SOAT1: variants seen among roughly 807,000 people sequenced by gnomAD.
SOAT1 encodes acyl-coenzyme A:cholesterol acyltransferase 1.
SOAT1 carries 55 observed loss-of-function variants against 69.5 expected under a neutral mutation model. The observed-to-expected ratio is 0.79, with a 90% confidence interval of 0.64 to 0.99. The LOEUF is 0.99. Among genes scored for constraint, SOAT1 ranks in the 50% least tolerant of loss-of-function variants. The probability of loss-of-function intolerance (pLI) is 0.00; values close to 1 mark genes in which losing one functional copy is unlikely to be tolerated. For synonymous variants in SOAT1, 231 were observed against 224.7 expected, an observed-to-expected ratio of 1.03 and a Z score of -0.25; for missense variants, 580 against 669.3, an observed-to-expected ratio of 0.87 and a Z score of 1.47.
chr1:179,337,498 A>G (rs1269332262), intron 4 of SOAT1, among the ~76,000 whole-genome samples: 5 of 149,538 alleles, frequency 3.3e-5, no homozygotes, highest in Non-Finnish European at 2.9e-5. Flanking sequence ...GCCAAAGTCC[A>G]TAGGGGCTGA....
rs760155451 is a variant in SOAT1 at position 179,323,418 on chromosome 1, T to A, written c.119-19T>A. 6.2e-7 allele frequency: 1 copy of A among 1,611,522 alleles called. No homozygotes were observed. The highest frequency in any genetic ancestry group is 8.5e-7 in the Non-Finnish European group (1 of 1,178,264). On this transcript the variant is annotated intron_variant, in intron 2 of 15. Transcript: ENST00000367619. ...GCTGTATCCATCAACTTAAAAGTCATGTTTTTTTCTTCCCGTAGGTCGAAT... is the reference window on the plus strand; with the variant it reads ...GCTGTATCCATCAACTTAAAAGTCAAGTTTTTTTCTTCCCGTAGGTCGAAT...
chr1:179,326,329 C>T (rs1216017470), intron 3 of SOAT1, among the ~76,000 whole-genome samples: 1 of 152,092 alleles, frequency 6.6e-6, no homozygotes, highest in East Asian at 1.9e-4. Flanking sequence ...CTGAACATTG[C>T]AGTTGAAATG....
chr1:179,342,928 G>A lies in SOAT1; in HGVS notation c.926G>A (p.Arg309His), dbSNP rs149997059. The A allele has an allele frequency of 9.9e-6, 16 of 1,612,592 alleles. No individual in the cohort carries two copies. Among genetic ancestry groups the A allele is most frequent in the East Asian group, 4.5e-5 (2 of 44,858 alleles). Residue 309 changes from arginine to histidine, a missense_variant, in exon 9 of 16, where the codon CGT (arginine) becomes CAT (histidine). Physicochemically the swap from Arg to His is conservative, Grantham distance 29. Coordinates refer to ENST00000367619, the MANE Select transcript of SOAT1 (RefSeq NM_003101.6). ...YFLFAPTLIY[R>H]DSYPRNPTVR... is the part of the protein sequence containing the mutation. The stretch of plus-strand genomic sequence containing the variant: ...TTATTTGCTCCTACCCTTATCTACC[G>A]TGACAGCTATCCCAGGTAATGGTAC...
chr1:179,351,605 G>C (rs1666736058), intron 15 of SOAT1, 143 bp downstream of exon 15: 1 of 707,580 alleles, frequency 1.4e-6, no homozygotes, highest in Non-Finnish European at 2.3e-6. Context: ...AAAAGCATTA[G>C]TTTATCATCT....
intron 13 of SOAT1, among the ~76,000 whole-genome samples, 182 bp from the exon 14 acceptor site, chr1:179,350,112 AAG>A (rs2125004004): frequency 6.6e-6 from 1 of 152,360 alleles, no homozygotes; most frequent in African/African-American, 2.4e-5. Context: ...GAACAATAAT[AAG>A]AGTTTGTAAG....
intron 3 of SOAT1, among the ~76,000 whole-genome samples, chr1:179,329,319 A>T (rs1312156916): frequency 1.3e-5 from 2 of 151,980 alleles, no homozygotes; most frequent in African/African-American, 4.8e-5. Context: ...AGCCTGGGAG[A>T]CAAGAGTGAA....
Position 179,325,292 on chromosome 1 carries a change from G to A in SOAT1, c.177+1797G>A, listed in dbSNP as rs763496735. ...AGCCTCCCGAGTATTTGGGAGTACA[G>A]GTGCCCACCACCATGCCCGGCTAAT... is the stretch of plus-strand genomic sequence containing the variant. On this transcript the variant is annotated intron_variant, in intron 3 of 15. Coordinates refer to ENST00000367619, the MANE Select transcript of SOAT1 (RefSeq NM_003101.6). Among the ~76,000 whole-genome samples the A allele has an allele frequency of 3.3e-5, 5 of 150,944 alleles. No individual in the cohort carries two copies. The South Asian group carries it at 8.3e-4, about 25-fold the overall frequency.
intron 2 of SOAT1, among the ~76,000 whole-genome samples, chr1:179,321,040 G>A (rs955785970): frequency 2.6e-5 from 4 of 152,018 alleles, no homozygotes; most frequent in Non-Finnish European, 5.9e-5. Context: ...CCAAGTAGCT[G>A]GGATTATAGG....
chr1:179,319,560 G>A (rs1336833733), intron 2 of SOAT1, among the ~76,000 whole-genome samples: 1 of 151,790 alleles, frequency 6.6e-6, no homozygotes, highest in East Asian at 1.9e-4. Flanking sequence ...ATGAGCCACC[G>A]CACCTGGCGT....
intron 11 of SOAT1, 47 bp downstream of exon 11, chr1:179,345,123 A>G: frequency 6.2e-7 from 1 of 1,602,932 alleles, no homozygotes; most frequent in Non-Finnish European, 8.5e-7. Context: ...TTCACGAGGT[A>G]AATAGAAAGC....
rs961325977 is a variant in SOAT1, at chr1:179,355,868, A to G, written c.*2227A>G. On this transcript the variant is annotated 3_prime_UTR_variant, in exon 16 of 16. Transcript: ENST00000367619. ...GTTATTAGTGATTTTCCTGCCCAAG[A>G]TTGCAACAACAAATATGTAGAACTA... 10 of 152,162 alleles carry G rather than the reference A, an allele frequency of 6.6e-5. No individual in the cohort carries two copies. The highest frequency in any genetic ancestry group is 2.6e-4 in the Admixed American group (4 of 15,264). The allele number at this position is 152,162 out of a possible 1,614,324, so 9.4% of individuals were successfully genotyped here.
chr1:179,321,082 G>A (rs1665583985), intron 2 of SOAT1, among the ~76,000 whole-genome samples: 1 of 151,836 alleles, frequency 6.6e-6, no homozygotes, highest in African/African-American at 2.4e-5. Flanking sequence ...AATTTTTATA[G>A]TTTTAGTAGA....
At chr1:179,325,235 C>T (rs12039884) in intron 3 of SOAT1, among the ~76,000 whole-genome samples, 32,112 of 148,728 alleles carry the variant, frequency 0.22, 4,461 homozygotes, top group East Asian at 0.38. Flanking sequence ...CTGCAAGCTC[C>T]ACCTCCCGGG....
intron 2 of SOAT1, among the ~76,000 whole-genome samples, chr1:179,307,614 A>C (rs1263566578): frequency 6.6e-6 from 1 of 151,944 alleles, no homozygotes; most frequent in Non-Finnish European, 1.5e-5. Flanking sequence ...CTTCAAAAAA[A>C]AATAGGACTT....
In SOAT1 at chr1:179,335,551, G is replaced by T; in HGVS notation, c.223G>T (p.Asp75Tyr). 6.2e-7 allele frequency: 1 copy of T among 1,612,728 alleles called. No homozygotes were observed. Among genetic ancestry groups the T allele is most frequent in the Non-Finnish European group, 8.5e-7 (1 of 1,179,224 alleles). ...GAAGGAAGTTGGCAGTCACTTTGAT[G>T]ATTTTGTGACCAATCTCATTGAAAA... is the stretch of plus-strand genomic sequence containing the variant. ...FMKEVGSHFD[D>Y]FVTNLIEKSA... Residue 75 changes from aspartate to tyrosine, a missense_variant, in exon 4 of 16, where the codon GAT becomes TAT. Transcript: ENST00000367619.
intron 2 of SOAT1, among the ~76,000 whole-genome samples, chr1:179,319,343 C>T (rs1346079031): frequency 6.7e-6 from 1 of 150,236 alleles, no homozygotes; most frequent in East Asian, 2.0e-4. Context: ...GATCTCGGCT[C>T]ACTGCAACCT....
At chr1:179,338,819 G>A (rs1054289706) in intron 5 of SOAT1, among the ~76,000 whole-genome samples, 4 of 152,168 alleles carry the variant, frequency 2.6e-5, no homozygotes, top group Admixed American at 6.5e-5. Context: ...ATTAGACTGT[G>A]AAGATCCTTG....
chr1:179,324,376 C>G (rs2152318), intron 3 of SOAT1, among the ~76,000 whole-genome samples: 2 of 151,912 alleles, frequency 1.3e-5, no homozygotes, highest in Non-Finnish European at 2.9e-5. Context: ...CTGTTTGAGT[C>G]CAAGGAGGAT....
At chr1:179,341,453 T>C (rs1470888723) in intron 7 of SOAT1, 143 bp downstream of exon 7, 13 of 819,314 alleles carry the variant, frequency 1.6e-5, no homozygotes, top group African/African-American at 8.5e-5. Flanking sequence ...ATCTGTAAAA[T>C]TGTTAAACTA....
Sources: allele counts gnomAD v4.1 joint callset (sites outside exome capture counted in the v4.1 genomes callset), GRCh38; gene constraint gnomAD v4.1.1; transcripts MANE v1.5; gene names NCBI Gene and HGNC (gene_info 2026-07-23, HGNC 2026-07-21).